ZFHX3: variants seen among roughly 807,000 people sequenced by gnomAD.
ZFHX3 encodes the protein zinc finger homeobox protein 3.
In ZFHX3, 42 loss-of-function variants were observed where a neutral mutation model predicts 279.1. That is an observed-to-expected ratio of 0.15 (90% confidence interval 0.12 to 0.19). The LOEUF (loss-of-function observed/expected upper bound fraction) is 0.19. ZFHX3 is among the 10% of genes least tolerant of loss of function. ZFHX3 has a pLI of 1.00. For synonymous variants in ZFHX3, 2,293 were observed against 1,957.8 expected (o/e 1.17, Z -4.52); for missense variants, 4,981 against 4,754.0 (o/e 1.05, Z -1.40).
intron 2 of ZFHX3, among the ~76,000 whole-genome samples, chr16:73,473,339 C>CAAAAAAAAAAAAAAAAACCAAAAAAA (rs2018703248): frequency 1.3e-5 from 1 of 76,658 alleles, no homozygotes; most frequent in East Asian, 3.7e-4. Context: ...TGTCTCAAAG[C>CAAAAAAAAAAAAAAAAACCAAAAAAA]AAAAAAAAAA....
At chr16:73,280,918 G>A (rs1364739634) in intron 4 of ZFHX3, among the ~76,000 whole-genome samples, 1 of 151,774 alleles carries the variant, frequency 6.6e-6, no homozygotes, top group Non-Finnish European at 1.5e-5. Context: ...CTGGGAGGTA[G>A]AGGTTGTGGT....
chr16:73,455,743 T>A (rs2018360387), intron 3 of ZFHX3, among the ~76,000 whole-genome samples: 1 of 133,032 alleles, frequency 7.5e-6, no homozygotes, highest in Non-Finnish European at 1.7e-5. Context: ...TTTTTTTTTT[T>A]TAACTTCAAA....
intron 1 of ZFHX3, among the ~76,000 whole-genome samples, chr16:73,837,860 TC>T (rs947047632): frequency 6.6e-5 from 10 of 152,144 alleles, no homozygotes; most frequent in African/African-American, 2.4e-4. Flanking sequence ...GGTCTTGAAC[TC>T]CCAACCTCAG....
At chr16:73,524,741 T>C (rs1015809486) in intron 2 of ZFHX3, among the ~76,000 whole-genome samples, 1 of 152,208 alleles carries the variant, frequency 6.6e-6, no homozygotes, top group African/African-American at 2.4e-5. Flanking sequence ...GCGACTCTTA[T>C]TAGGGTTAGT....
chr16:73,343,759 G>A (rs1023128649), intron 3 of ZFHX3, among the ~76,000 whole-genome samples: 2 of 152,108 alleles, frequency 1.3e-5, no homozygotes, highest in African/African-American at 4.8e-5. Context: ...AACAGAAAGG[G>A]CTCCTGTTGT....
intron 1 of ZFHX3, among the ~76,000 whole-genome samples, chr16:73,761,877 A>G (rs2053871239): frequency 6.6e-6 from 1 of 152,158 alleles, no homozygotes; most frequent in African/African-American, 2.4e-5. Context: ...AACCATAAAA[A>G]CGCTAGAAAA....
intron 2 of ZFHX3, among the ~76,000 whole-genome samples, chr16:73,528,510 C>T (rs1341184381): frequency 6.6e-6 from 1 of 152,146 alleles, no homozygotes; most frequent in Non-Finnish European, 1.5e-5. Context: ...ACAATCCCAG[C>T]AGGGAAATTA....
At chr16:72,808,084 C>G (rs1031449074) in intron 7 of ZFHX3, 2 of 152,138 alleles carry the variant, frequency 1.3e-5, no homozygotes, top group African/African-American at 4.8e-5. Context: ...AATACTTTCC[C>G]GGGGCCAATC....
chr16:73,493,837 C>T (rs1011270231), intron 2 of ZFHX3, among the ~76,000 whole-genome samples: 1 of 148,322 alleles, frequency 6.7e-6, no homozygotes, highest in East Asian at 1.9e-4. Flanking sequence ...CTGAGTTCCC[C>T]ATCTTCCATG....
intron 1 of ZFHX3, among the ~76,000 whole-genome samples, chr16:73,735,936 C>T (rs13335386): frequency 8.7e-6 from 1 of 114,904 alleles, no homozygotes; most frequent in Non-Finnish European, 1.9e-5. Flanking sequence ...AAGGTTGGTG[C>T]ACCTGGTTGA....
intron 2 of ZFHX3, among the ~76,000 whole-genome samples, chr16:73,663,982 A>C (rs756759329): frequency 1.3e-5 from 2 of 152,238 alleles, no homozygotes; most frequent in African/African-American, 2.4e-5. Flanking sequence ...AACACCACCC[A>C]TTTAGAGATG....
At chr16:73,811,810 G>A (rs1208104843) in intron 1 of ZFHX3, among the ~76,000 whole-genome samples, 1 of 152,098 alleles carries the variant, frequency 6.6e-6, no homozygotes, top group Non-Finnish European at 1.5e-5. Flanking sequence ...CTGTTGTGAT[G>A]CTATCTTTTG....
chr16:72,844,224 CT>C (rs1308806105), intron 4 of ZFHX3, among the ~76,000 whole-genome samples: 1 of 152,184 alleles, frequency 6.6e-6, no homozygotes, highest in East Asian at 1.9e-4. Context: ...CAAGTAATTG[CT>C]TTTTCCCCTT....
At chr16:72,836,022 G>T (rs147662945) in intron 4 of ZFHX3, among the ~76,000 whole-genome samples, 8 of 152,278 alleles carry the variant, frequency 5.3e-5, no homozygotes, top group Non-Finnish European at 8.8e-5. Context: ...AATCCAGTGC[G>T]TTATAATTCT....
intron 3 of ZFHX3, among the ~76,000 whole-genome samples, chr16:73,439,695 C>T (rs1230479397): frequency 6.6e-6 from 1 of 151,916 alleles, no homozygotes; most frequent in Non-Finnish European, 1.5e-5. Context: ...ATCCCTCCTT[C>T]CCCCCTTTCA....
intron 5 of ZFHX3, among the ~76,000 whole-genome samples, chr16:73,180,479 T>C (rs1037648439): frequency 6.6e-6 from 1 of 152,176 alleles, no homozygotes; most frequent in Non-Finnish European, 1.5e-5. Flanking sequence ...ATAGGAGACG[T>C]GAGTGGGCAC....
intron 7 of ZFHX3, among the ~76,000 whole-genome samples, chr16:73,116,005 A>T (rs1453215728): frequency 6.6e-6 from 1 of 152,106 alleles, no homozygotes; most frequent in Non-Finnish European, 1.5e-5. Flanking sequence ...CTGTAATCCC[A>T]GCTACTCAGG....
At chr16:73,181,185 C>T (rs1967786490) in intron 5 of ZFHX3, among the ~76,000 whole-genome samples, 1 of 151,994 alleles carries the variant, frequency 6.6e-6, no homozygotes, top group Non-Finnish European at 1.5e-5. Context: ...ACTGCAACCA[C>T]CGACTCCCTG....
chr16:73,858,989 T>C (rs377628879), intron 1 of ZFHX3, among the ~76,000 whole-genome samples: 11 of 152,154 alleles, frequency 7.2e-5, no homozygotes, highest in East Asian at 3.9e-4. Flanking sequence ...AATTTATCTA[T>C]TGGAAAAACA....
Sources: allele counts gnomAD v4.1 joint callset (sites outside exome capture counted in the v4.1 genomes callset), GRCh38; gene constraint gnomAD v4.1.1; transcripts MANE v1.5; gene names NCBI Gene and HGNC (gene_info 2026-07-23, HGNC 2026-07-21).